The following ENPP2 variants were observed in gnomAD, a reference collection of about 807,000 sequenced individuals.
ENPP2 encodes autotaxin.
A neutral mutation model predicts 120.2 loss-of-function variants in ENPP2; 51 were observed. The observed-to-expected ratio is 0.42, with a 90% CI of 0.34 to 0.54. The LOEUF (loss-of-function observed/expected upper bound fraction) is 0.54, where lower values mean the gene tolerates loss of function less well. Among genes scored for constraint, ENPP2 ranks in the 20% least tolerant of loss-of-function variants. The pLI, the probability that ENPP2 is intolerant of heterozygous loss-of-function variation, is 0.04. For missense variants in ENPP2, 920 were observed against 1,066.5 expected (o/e 0.86, Z 1.91); for synonymous variants, 365 against 366.4 (o/e 1.00, Z 0.04).
chr8:119,619,120 C>T, intron 5 of ENPP2, 124 bp downstream of exon 5: 1 of 699,840 alleles, frequency 1.4e-6, no homozygotes, highest in Non-Finnish European at 2.5e-6. Context: ...CCTAAGTACT[C>T]ATAAGTTTGC....
At chr8:119,633,551 G>T (rs1040395974) in intron 2 of ENPP2, among the ~76,000 whole-genome samples, 1 of 151,938 alleles carries the variant, frequency 6.6e-6, no homozygotes, top group African/African-American at 2.4e-5. Context: ...AGTGTGCGTG[G>T]CATTCAAGAT....
At position 119,619,224 on chromosome 8, in the gene ENPP2, T is replaced by G. The variant is rs765662215; in HGVS notation, c.479+20A>C. ...TCAGCTAATACATAAAACTTCAAAA[T>G]AGTCATAAAATACACTTACCCTGCA... On this transcript the variant is annotated intron_variant, in intron 5 of 24. Coordinates refer to ENST00000075322, the MANE Select transcript of ENPP2 (RefSeq NM_001040092.3). 6.4e-7 allele frequency: 1 copy of G among 1,567,818 alleles called. No homozygotes were observed. Among genetic ancestry groups the G allele is most frequent in the South Asian group, 1.1e-5 (1 of 89,392 alleles).
chr8:119,616,790 T>C (rs1815485568), intron 7 of ENPP2, among the ~76,000 whole-genome samples: 1 of 152,110 alleles, frequency 6.6e-6, no homozygotes, highest in Non-Finnish European at 1.5e-5. Flanking sequence ...TATAAATAAA[T>C]TATGTTTTAA....
rs1321182298 is a variant in ENPP2, at chr8:119,626,649, C to T, written c.208G>A (p.Gly70Arg). 4 of 1,613,836 alleles carry T rather than the reference C, an allele frequency of 2.5e-6. No homozygotes were observed. In the South Asian group the frequency reaches 3.3e-5, roughly 13 times the overall value. Residue 70 changes from glycine to arginine, a missense_variant, in exon 3 of 25, where the codon GGA becomes AGA. Gly to Arg is a moderately radical substitution (Grantham distance 125). Transcript: ENST00000075322. ...TTGTCACAGCGACAATCAGGAGGTC[C>T]AGCCTCTTGAAGTTCAAAGCACCTG... is the stretch of plus-strand genomic sequence containing the variant. ...KGRCFELQEA[G>R]PPDCRCDNLC...
intron 12 of ENPP2, among the ~76,000 whole-genome samples, chr8:119,592,560 A>G (rs1010006723): frequency 1.1e-4 from 16 of 151,570 alleles, no homozygotes; most frequent in Non-Finnish European, 2.4e-4. Flanking sequence ...GGAAGCCTAC[A>G]CACTGACAAG....
At chr8:119,643,976 C>T (rs535050570) in intron 1 of ENPP2, among the ~76,000 whole-genome samples, 3 of 151,992 alleles carry the variant, frequency 2.0e-5, no homozygotes, top group Admixed American at 6.6e-5. Context: ...GGCACATCCA[C>T]GAGACAAAAA....
intron 9 of ENPP2, among the ~76,000 whole-genome samples, chr8:119,601,859 C>G (rs557475027): frequency 2.0e-4 from 30 of 152,218 alleles, no homozygotes; most frequent in African/African-American, 7.2e-4. Context: ...GGCGGTGTGA[C>G]CTCTCTTGAC....
intron 9 of ENPP2, 139 bp from the exon 10 acceptor site, chr8:119,601,601 C>A (rs952241349): frequency 6.3e-6 from 4 of 639,864 alleles, no homozygotes; most frequent in Non-Finnish European, 8.5e-6. Context: ...TAGTAAAAGG[C>A]CCTCTTTCGA....
chr8:119,594,296 C>T (rs1015746322), intron 11 of ENPP2, among the ~76,000 whole-genome samples: 1 of 152,122 alleles, frequency 6.6e-6, no homozygotes, highest in Non-Finnish European at 1.5e-5. Context: ...AAAATCACAA[C>T]GTTGCACTGG....
chr8:119,576,013 T>A (rs542057271), intron 19 of ENPP2, among the ~76,000 whole-genome samples: 4 of 151,966 alleles, frequency 2.6e-5, no homozygotes, highest in South Asian at 2.1e-4. Flanking sequence ...ACAACTAATA[T>A]CTCCAAAGAA....
intron 9 of ENPP2, 24 bp from the exon 10 acceptor site, chr8:119,601,486 C>T: frequency 1.2e-6 from 2 of 1,603,340 alleles, no homozygotes; most frequent in South Asian, 1.1e-5. Flanking sequence ...GCAAGCAAAG[C>T]ATGTTGTTAG....
chr8:119,621,813 C>G (rs1815918264), intron 3 of ENPP2, among the ~76,000 whole-genome samples: 1 of 152,090 alleles, frequency 6.6e-6, no homozygotes, highest in Non-Finnish European at 1.5e-5. Flanking sequence ...CCTAAAGGAC[C>G]CAACAAATTT....
intron 1 of ENPP2, among the ~76,000 whole-genome samples, chr8:119,671,744 AC>A (rs905912771): frequency 6.6e-6 from 1 of 152,218 alleles, no homozygotes. Context: ...CGTTTGGGAG[AC>A]ACCATGTATA....
chr8:119,670,358 T>C (rs1818204850), intron 1 of ENPP2, among the ~76,000 whole-genome samples: 1 of 152,250 alleles, frequency 6.6e-6, no homozygotes, highest in South Asian at 2.1e-4. Flanking sequence ...TTCCTTAGCA[T>C]ATTATAGATG....
At chr8:119,557,953 A>G (rs1372383437) in intron 24 of ENPP2, among the ~76,000 whole-genome samples, 3 of 152,174 alleles carry the variant, frequency 2.0e-5, no homozygotes, top group African/African-American at 7.2e-5. Flanking sequence ...AGGGCATTTG[A>G]CTCAATAGGT....
At chr8:119,643,967 G>T (rs140686593) in intron 1 of ENPP2, among the ~76,000 whole-genome samples, 1 of 152,084 alleles carries the variant, frequency 6.6e-6, no homozygotes. Flanking sequence ...TGGAGGTATG[G>T]CACATCCACG....
intron 9 of ENPP2, among the ~76,000 whole-genome samples, chr8:119,605,362 G>A (rs543930241): frequency 1.2e-4 from 18 of 151,546 alleles, no homozygotes; most frequent in African/African-American, 3.4e-4. Context: ...CCCCAGGCCC[G>A]GCCATAAGCA....
intron 18 of ENPP2, chr8:119,580,545 T>G (rs1178837106): frequency 5.1e-6 from 1 of 197,256 alleles, no homozygotes; most frequent in African/African-American, 2.3e-5. Flanking sequence ...CAAACTAATT[T>G]ATGAAATCAC....
intron 11 of ENPP2, chr8:119,595,830 A>G (rs1813847432): frequency 5.0e-6 from 8 of 1,613,470 alleles, no homozygotes; most frequent in Non-Finnish European, 5.9e-6. Flanking sequence ...AAGCTTTGGA[A>G]CAATAGATAA....
Sources: gnomAD v4.1 joint callset for allele counts (sites outside exome capture counted in the v4.1 genomes callset) on GRCh38, gnomAD v4.1.1 for gene constraint, MANE v1.5 for transcripts, NCBI Gene and HGNC (gene_info 2026-07-23, HGNC 2026-07-21) for gene names.